The following RUNDC3B variants were observed in gnomAD, a reference collection of about 807,000 sequenced individuals.
RUNDC3B encodes the protein RUN domain containing 3B.
A neutral mutation model predicts 58.4 loss-of-function variants in RUNDC3B; 33 were observed. The ratio of observed to expected loss-of-function variants is 0.56; its 90% CI spans 0.43 to 0.75. The LOEUF is 0.75. RUNDC3B is among the 30% of genes least tolerant of loss of function. RUNDC3B has a pLI of 0.00. For missense variants in RUNDC3B, 501 were observed against 535.7 expected (o/e 0.94, Z 0.64); for synonymous variants, 193 against 195.2 (o/e 0.99, Z 0.10).
At chr7:87,770,429 C>T (rs1834215259) in intron 6 of RUNDC3B, 152 bp from the exon 7 acceptor site, 3 of 662,362 alleles carry the variant, frequency 4.5e-6, no homozygotes, top group Non-Finnish European at 7.5e-6. Flanking sequence ...ATTTTTTTTT[C>T]AGGAAGCTTA....
At chr7:87,791,311 C>A (rs376827384) in intron 8 of RUNDC3B, among the ~76,000 whole-genome samples, 2 of 152,090 alleles carry the variant, frequency 1.3e-5, no homozygotes, top group South Asian at 4.1e-4. Flanking sequence ...CAACATCAGA[C>A]CTGTCCTACC....
At chr7:87,732,721 G>A (rs868323309) in intron 4 of RUNDC3B, among the ~76,000 whole-genome samples, 52 of 152,262 alleles carry the variant, frequency 3.4e-4, no homozygotes, top group African/African-American at 1.2e-3. Flanking sequence ...TAGTGAGGGC[G>A]GGGGTAGGTT....
intron 4 of RUNDC3B, among the ~76,000 whole-genome samples, chr7:87,726,692 A>G (rs1831251690): frequency 6.6e-6 from 1 of 152,116 alleles, no homozygotes; most frequent in Non-Finnish European, 1.5e-5. Context: ...CTGTATGGCC[A>G]TTTTCAGGAT....
chr7:87,651,898 T>C (rs902187561), intron 2 of RUNDC3B, among the ~76,000 whole-genome samples: 1 of 152,160 alleles, frequency 6.6e-6, no homozygotes, highest in Non-Finnish European at 1.5e-5. Context: ...GTTTGTAAAA[T>C]TGCTAATGCT....
chr7:87,771,926 A>G (rs979883491), intron 7 of RUNDC3B, among the ~76,000 whole-genome samples: 1 of 152,188 alleles, frequency 6.6e-6, no homozygotes, highest in Non-Finnish European at 1.5e-5. Context: ...TTTAGAGGAG[A>G]TGGAGACAGA....
At chr7:87,746,366 G>A (rs1456835264) in intron 6 of RUNDC3B, among the ~76,000 whole-genome samples, 1 of 152,130 alleles carries the variant, frequency 6.6e-6, no homozygotes, top group African/African-American at 2.4e-5. Flanking sequence ...TTGACTTTCT[G>A]TCTTGATGAC....
chr7:87,684,746 C>CAAAAAAAAAAAAAAAAAAAAA (rs71524694), intron 2 of RUNDC3B, among the ~76,000 whole-genome samples: 15 of 37,788 alleles, frequency 4.0e-4, no homozygotes, highest in South Asian at 1.1e-3. Context: ...GACTCCGTCT[C>CAAAAAAAAAAAAAAAAAAAAA]AAAAAAAAAA....
At chr7:87,687,418 A>T (rs1180035504) in intron 2 of RUNDC3B, among the ~76,000 whole-genome samples, 3 of 152,106 alleles carry the variant, frequency 2.0e-5, no homozygotes, top group Admixed American at 6.5e-5. Context: ...TTTCAACCTC[A>T]AGCACTCCTG....
intron 2 of RUNDC3B, among the ~76,000 whole-genome samples, chr7:87,674,712 G>A (rs1826150388): frequency 1.3e-5 from 2 of 152,108 alleles, no homozygotes; most frequent in Non-Finnish European, 2.9e-5. Context: ...GGCATGATAG[G>A]GCCCCCAGGA....
chr7:87,708,862 A>G (rs1563151533), intron 3 of RUNDC3B, among the ~76,000 whole-genome samples: 1 of 152,188 alleles, frequency 6.6e-6, no homozygotes, highest in Non-Finnish European at 1.5e-5. Flanking sequence ...TTCTTAATGT[A>G]TATAAAGCTC....
intron 7 of RUNDC3B, among the ~76,000 whole-genome samples, chr7:87,771,799 TGCAAAATGG>T (rs879475962): frequency 6.6e-6 from 1 of 152,156 alleles, no homozygotes; most frequent in Non-Finnish European, 1.5e-5. Flanking sequence ...AGGAGTGAGG[TGCAAAATGG>T]CAGAGTAAAC....
intron 10 of RUNDC3B, among the ~76,000 whole-genome samples, chr7:87,827,351 G>A (rs1837871326): frequency 6.6e-6 from 1 of 152,094 alleles, no homozygotes; most frequent in Non-Finnish European, 1.5e-5. Flanking sequence ...GCCAGGTGCG[G>A]TGGTGGGCCC....
chr7:87,703,914 G>GTTTTTTTTTTTTTTTTTTT lies in RUNDC3B; in HGVS notation c.372+3368_372+3386dup, dbSNP rs35797972. ...TTTTTTTTTTTTTTTTTTTTTTTTG[G>GTTTTTTTTTTTTTTTTTTT]TTTTTTTTTTTTTTTTTTTTTTTTT... On this transcript the variant is annotated intron_variant, in intron 3 of 10. Transcript: ENST00000394654. 1.7e-3 allele frequency among the ~76,000 whole-genome samples: 72 copies of GTTTTTTTTTTTTTTTTTTT among 42,984 alleles called. 1 individual carries two copies. The highest frequency in any genetic ancestry group is 3.3e-3 in the East Asian group (4 of 1,206). The allele number at this position is 42,984 out of a possible 152,430, so 28.2% of individuals were successfully genotyped here.
At chr7:87,808,692 T>C (rs1477520585) in intron 9 of RUNDC3B, among the ~76,000 whole-genome samples, 2 of 152,130 alleles carry the variant, frequency 1.3e-5, no homozygotes, top group Non-Finnish European at 2.9e-5. Flanking sequence ...ATTTCATAAA[T>C]TGGGATCTAG....
At chr7:87,799,791 G>GC (rs1487726984) in intron 8 of RUNDC3B, among the ~76,000 whole-genome samples, 3 of 151,200 alleles carry the variant, frequency 2.0e-5, no homozygotes, top group Non-Finnish European at 2.9e-5. Context: ...GGAGGCTGAG[G>GC]CAAGAGATCA....
intron 6 of RUNDC3B, among the ~76,000 whole-genome samples, chr7:87,755,550 G>A (rs959601066): frequency 6.7e-6 from 1 of 149,546 alleles, no homozygotes; most frequent in Non-Finnish European, 1.5e-5. Context: ...ACCATGATCA[G>A]TGCAAGGTTG....
intron 2 of RUNDC3B, among the ~76,000 whole-genome samples, chr7:87,674,822 G>T (rs928130626): frequency 2.0e-5 from 3 of 152,130 alleles, no homozygotes; most frequent in Non-Finnish European, 2.9e-5. Flanking sequence ...GATCAGACTG[G>T]CTTTGTCCTA....
rs1212104906 is a variant in RUNDC3B, at chr7:87,807,535, T to C, written c.1103+16T>C. ...AGTGGTATGAGTAAGTGTAATACTTTTTTTTCCAACTAATTAATAGTTAGT... is the reference window on the plus strand; with the variant it reads ...AGTGGTATGAGTAAGTGTAATACTTCTTTTTCCAACTAATTAATAGTTAGT... On this transcript the variant is annotated intron_variant, in intron 9 of 10. Transcript: ENST00000394654. 6.2e-7 allele frequency: 1 copy of C among 1,602,990 alleles called. No individual in the cohort carries two copies. The highest frequency in any genetic ancestry group is 8.5e-7 in the Non-Finnish European group (1 of 1,170,394).
chr7:87,751,241 C>G (rs954184454), intron 6 of RUNDC3B, among the ~76,000 whole-genome samples: 1 of 151,954 alleles, frequency 6.6e-6, no homozygotes, highest in African/African-American at 2.4e-5. Flanking sequence ...TGATCTATAT[C>G]TCTGTTTTGG....
Sources: gnomAD v4.1 joint callset for allele counts (sites outside exome capture counted in the v4.1 genomes callset) on GRCh38, gnomAD v4.1.1 for gene constraint, MANE v1.5 for transcripts, NCBI Gene and HGNC (gene_info 2026-07-23, HGNC 2026-07-21) for gene names.